TEC: variants seen among roughly 807,000 people sequenced by gnomAD.
TEC encodes tyrosine-protein kinase Tec.
TEC carries 72 observed loss-of-function variants against 93.0 expected under a neutral mutation model. The observed-to-expected ratio is 0.77, with a 90% CI of 0.64 to 0.94. The LOEUF is 0.94. Ranked by LOEUF, TEC falls within the 40% of genes least tolerant of loss-of-function variation. TEC has a pLI of 0.00. For missense variants in TEC, 630 were observed against 757.9 expected (o/e 0.83, Z 1.98); for synonymous variants, 249 against 247.7 (o/e 1.01, Z -0.05).
chr4:48,146,341 A>C lies in TEC; in HGVS notation c.1065T>G (p.Thr355=), dbSNP rs546752798. 3.7e-6 allele frequency: 6 copies of C among 1,613,864 alleles called. No homozygotes were observed. The South Asian group carries it at 4.4e-5, about 12-fold the overall frequency. ...VSVKGKNAPT[T]AGFSYEKWEI... Reference sequence around the variant, plus strand: ...AAGAGTTACCATAGCTGAATCCTGCAGTGGTGGGTGCATTCTTCCCTTTCA... The same window carrying C: ...AAGAGTTACCATAGCTGAATCCTGCCGTGGTGGGTGCATTCTTCCCTTTCA... The change falls in exon 12 of 18, where the codon ACT becomes ACG. Residue 355 remains threonine (T), a synonymous_variant. Coordinates refer to ENST00000381501, the MANE Select transcript of TEC (RefSeq NM_003215.3).
chr4:48,225,319 C>A (rs1023165399), intron 2 of TEC, among the ~76,000 whole-genome samples: 1 of 152,122 alleles, frequency 6.6e-6, no homozygotes, highest in African/African-American at 2.4e-5. Context: ...GGATTACAGG[C>A]ACCTGCCACC....
intron 1 of TEC, among the ~76,000 whole-genome samples, chr4:48,258,224 C>G (rs979647498): frequency 6.6e-6 from 1 of 150,602 alleles, no homozygotes; most frequent in Non-Finnish European, 1.5e-5. Context: ...TCACTGCAAC[C>G]TCTGCCTCCC....
At chr4:48,139,593 A>C (rs1406243041) in intron 15 of TEC, among the ~76,000 whole-genome samples, 1 of 152,216 alleles carries the variant, frequency 6.6e-6, no homozygotes, top group Non-Finnish European at 1.5e-5. Flanking sequence ...ACATACATAC[A>C]CTCAAAACAA....
chr4:48,162,685 T>C (rs1720721463), intron 8 of TEC, among the ~76,000 whole-genome samples: 1 of 152,220 alleles, frequency 6.6e-6, no homozygotes, highest in South Asian at 2.1e-4. Flanking sequence ...CTGTGGCTTT[T>C]TGAACTTGTT....
chr4:48,182,421 G>C (rs1721627932), intron 2 of TEC, among the ~76,000 whole-genome samples: 2 of 151,900 alleles, frequency 1.3e-5, no homozygotes, highest in African/African-American at 4.8e-5. Flanking sequence ...GACTTTCCCT[G>C]ACTCACCTTT....
At chr4:48,159,083 GAAAA>G (rs35956463) in intron 8 of TEC, among the ~76,000 whole-genome samples, 1 of 114,508 alleles carries the variant, frequency 8.7e-6, no homozygotes, top group African/African-American at 3.0e-5. Flanking sequence ...CTCCAGGCAA[GAAAA>G]AAAAAAAAAA....
At chr4:48,145,810 A>G (rs2109509411) in intron 12 of TEC, among the ~76,000 whole-genome samples, 1 of 152,360 alleles carries the variant, frequency 6.6e-6, no homozygotes, top group Admixed American at 6.5e-5. Context: ...ACAATTCTGC[A>G]TAACAAGCTA....
intron 2 of TEC, among the ~76,000 whole-genome samples, chr4:48,182,567 G>A (rs979325705): frequency 6.7e-6 from 1 of 149,788 alleles, no homozygotes; most frequent in Non-Finnish European, 1.5e-5. Context: ...GTGTGTGTGT[G>A]TGTCCTCTCT....
chr4:48,146,444 T>C (rs750396543), intron 11 of TEC, 45 bp from the exon 12 acceptor site: 4 of 1,562,932 alleles, frequency 2.6e-6, no homozygotes, highest in Middle Eastern at 1.7e-4. Context: ...TTCATAATCA[T>C]TCTGCTTGGT....
intron 8 of TEC, among the ~76,000 whole-genome samples, chr4:48,158,982 A>C (rs1487783390): frequency 6.6e-6 from 1 of 152,118 alleles, no homozygotes; most frequent in Non-Finnish European, 1.5e-5. Context: ...AAGGAGTCAT[A>C]CACAAATAAA....
intron 1 of TEC, among the ~76,000 whole-genome samples, chr4:48,233,173 A>G (rs539695653): frequency 9.7e-4 from 148 of 152,260 alleles, no homozygotes; most frequent in Non-Finnish European, 1.8e-3. Flanking sequence ...GAGGCTAGTC[A>G]GCTCTCTTCT....
chr4:48,176,618 A>T (rs1344034617), intron 2 of TEC, among the ~76,000 whole-genome samples: 1 of 152,172 alleles, frequency 6.6e-6, no homozygotes, highest in African/African-American at 2.4e-5. Context: ...GCTACTCAGG[A>T]GGCTGAGGCA....
chr4:48,188,744 A>G (rs1386303663), intron 2 of TEC, among the ~76,000 whole-genome samples: 1 of 152,222 alleles, frequency 6.6e-6, no homozygotes, highest in African/African-American at 2.4e-5. Flanking sequence ...TATACCATAG[A>G]CATCTCAGGT....
chr4:48,192,394 AGGGGTTATG>A (rs930540597), intron 2 of TEC, among the ~76,000 whole-genome samples: 2 of 152,162 alleles, frequency 1.3e-5, no homozygotes, highest in African/African-American at 4.8e-5. Context: ...GAAAACTTTT[AGGGGTTATG>A]GGCATACTCA....
chr4:48,253,505 C>A (rs777765012), intron 1 of TEC, among the ~76,000 whole-genome samples: 1 of 151,918 alleles, frequency 6.6e-6, no homozygotes, highest in Non-Finnish European at 1.5e-5. Context: ...CTTTCTCTTG[C>A]ATTCTTCCAC....
chr4:48,156,767 A>G, intron 8 of TEC, 33 bp from the exon 9 acceptor site: 1 of 1,541,876 alleles, frequency 6.5e-7, no homozygotes, highest in Non-Finnish European at 8.8e-7. Context: ...TTCAGGCCTC[A>G]GGTTTTTAGG....
chr4:48,146,675 A>G (rs1719929818), intron 11 of TEC, among the ~76,000 whole-genome samples: 1 of 152,168 alleles, frequency 6.6e-6, no homozygotes, highest in South Asian at 2.1e-4. Flanking sequence ...GTTCTTTTCC[A>G]ATATGAGAGC....
At chr4:48,246,274 A>G in intron 1 of TEC, among the ~76,000 whole-genome samples, 1 of 152,216 alleles carries the variant, frequency 6.6e-6, no homozygotes, top group Non-Finnish European at 1.5e-5. Flanking sequence ...AATAAATTTA[A>G]AAAGACTTAA....
intron 1 of TEC, among the ~76,000 whole-genome samples, chr4:48,236,641 G>A (rs1398741500): frequency 6.6e-6 from 1 of 152,154 alleles, no homozygotes; most frequent in Admixed American, 6.5e-5. Context: ...TATCTCATTG[G>A]AGTTGAACAC....
Sources: gnomAD v4.1 joint callset for allele counts (sites outside exome capture counted in the v4.1 genomes callset) on GRCh38, gnomAD v4.1.1 for gene constraint, MANE v1.5 for transcripts, NCBI Gene and HGNC (gene_info 2026-07-23, HGNC 2026-07-21) for gene names.